The following ANXA5 variants were observed in gnomAD, a reference collection of about 807,000 sequenced individuals.
The protein encoded by ANXA5 is CBP-I.
In ANXA5, 40 loss-of-function variants were observed where a neutral mutation model predicts 48.1. The ratio of observed to expected loss-of-function variants is 0.83; its 90% confidence interval spans 0.65 to 1.08. The LOEUF is 1.08. Among genes scored for constraint, ANXA5 ranks in the 50% least tolerant of loss-of-function variants. The pLI is 0.00. For synonymous variants in ANXA5, 113 were observed against 129.1 expected (o/e 0.88, Z 0.85); for missense variants, 357 against 376.8 (o/e 0.95, Z 0.44).
Position 121,681,287 on chromosome 4 carries a change from A to C in ANXA5, c.394+384T>G, listed in dbSNP as rs143254948. 878 of 156,314 alleles carry C rather than the reference A, an allele frequency of 5.6e-3. 14 individuals are homozygous for C. Among genetic ancestry groups the C allele is most frequent in the African/African-American group, 0.019 (788 of 41,718 alleles). The allele number at this position is 156,314 out of a possible 1,614,324, so 9.7% of individuals were successfully genotyped here. On this transcript the variant is annotated intron_variant, in intron 6 of 12. Transcript: ENST00000296511. Reference sequence around the variant, plus strand: ...GGAAAGGGTTTAGGTTTCTCTTCCAAAGTTCCAAAAGTACTTTTTATATAA... The same window carrying C: ...GGAAAGGGTTTAGGTTTCTCTTCCACAGTTCCAAAAGTACTTTTTATATAA...
At position 121,686,300 on chromosome 4, in the gene ANXA5, T is replaced by C. The variant is rs762891398; in HGVS notation, c.82A>G (p.Met28Val). 7 of 1,613,884 alleles carry C rather than the reference T, an allele frequency of 4.3e-6. No individual in the cohort carries two copies. Among genetic ancestry groups the C allele is most frequent in the South Asian group, 2.2e-5 (2 of 91,054 alleles). Residue 28 changes from methionine to valine, a missense_variant, in exon 3 of 13, where the codon ATG becomes GTG. By Grantham distance (21) the Met-to-Val change is conservative (BLOSUM62 1). Transcript: ENST00000296511. Reference sequence around the variant, plus strand: ...AAGCTAAATTTACCCAAGCCTTTCATAGCCTTCCGAAGAGTTTCTGCATCA... The same window carrying C: ...AAGCTAAATTTACCCAAGCCTTTCACAGCCTTCCGAAGAGTTTCTGCATCA... ...RADAETLRKA[M>V]KGLGTDEESI...
intron 3 of ANXA5, among the ~76,000 whole-genome samples, chr4:121,685,100 A>T (rs1298343499): frequency 6.6e-6 from 1 of 151,496 alleles, no homozygotes; most frequent in African/African-American, 2.4e-5. Flanking sequence ...ACGCAAATAC[A>T]CACATATATA....
chr4:121,669,444 C>T (rs1724574827), intron 12 of ANXA5, 158 bp downstream of exon 12: 1 of 902,184 alleles, frequency 1.1e-6, no homozygotes, highest in East Asian at 2.5e-5. Context: ...ATCTCTACTT[C>T]AGGAAACATT....
At chr4:121,669,391 G>A in intron 12 of ANXA5, 1 of 581,788 alleles carries the variant, frequency 1.7e-6, no homozygotes, top group Non-Finnish European at 3.0e-6. Flanking sequence ...TTCACCAAGA[G>A]CCTCAGCCAC....
chr4:121,672,409 G>A lies in ANXA5; in HGVS notation c.625+124C>T, dbSNP rs2110479653. The A allele has an allele frequency of 3.1e-5, 20 of 653,650 alleles. No individual in the cohort carries two copies. The South Asian group carries it at 4.1e-4, about 13-fold the overall frequency. The allele number at this position is 653,650 out of a possible 1,614,324, so 40.5% of individuals were successfully genotyped here. ...TGAGATTTCTCCAGGTCACCAAAAG[G>A]AAGAAATACAAAAACTGATTCATTC... On this transcript the variant is annotated intron_variant, in intron 9 of 12. Transcript: ENST00000296511.
In ANXA5 at chr4:121,696,489, C is replaced by CTT. The variant is rs1725084373; in HGVS notation, c.9+90_9+91dup. 9.0e-6 allele frequency: 11 copies of CTT among 1,227,032 alleles called. No individual in the cohort carries two copies. The East Asian group carries it at 3.2e-4, about 36-fold the overall frequency. The allele number at this position is 1,227,032 out of a possible 1,614,324, so 76.0% of individuals were successfully genotyped here. ...AAAGCAGGTTCCCTTTCCTCCTAAACTTTTTGGCTCTCAGACAAATCCTAA... is the reference window on the plus strand; with the variant it reads ...AAAGCAGGTTCCCTTTCCTCCTAAACTTTTTTTGGCTCTCAGACAAATCCTAA... On this transcript the variant is annotated intron_variant, in intron 2 of 12. Transcript: ENST00000296511.
intron 12 of ANXA5, among the ~76,000 whole-genome samples, chr4:121,668,853 T>G (rs1357336422): frequency 6.6e-6 from 1 of 151,772 alleles, no homozygotes; most frequent in Admixed American, 6.6e-5. Context: ...TGGCTCTCCC[T>G]CCGAGACAGA....
intron 2 of ANXA5, among the ~76,000 whole-genome samples, chr4:121,692,146 A>T (rs1007260506): frequency 6.6e-6 from 1 of 152,090 alleles, no homozygotes; most frequent in African/African-American, 2.4e-5. Flanking sequence ...CCATTTGTCT[A>T]TCCATCCTAC....
intron 4 of ANXA5, 56 bp downstream of exon 4, chr4:121,684,621 G>T: frequency 7.0e-7 from 1 of 1,428,462 alleles, no homozygotes; most frequent in Non-Finnish European, 9.8e-7. Context: ...TTCCAAACTA[G>T]TCTTATAACT....
intron 2 of ANXA5, among the ~76,000 whole-genome samples, chr4:121,694,024 AG>A (rs1334440791): frequency 1.4e-5 from 2 of 147,794 alleles, no homozygotes; most frequent in African/African-American, 5.0e-5. Flanking sequence ...TATACCATAG[AG>A]ATAATTCTGA....
At chr4:121,675,504 C>T (rs1724682719) in intron 8 of ANXA5, among the ~76,000 whole-genome samples, 1 of 152,170 alleles carries the variant, frequency 6.6e-6, no homozygotes, top group Admixed American at 6.5e-5. Flanking sequence ...AATAATAATA[C>T]ATTTGAAAGA....
intron 2 of ANXA5, among the ~76,000 whole-genome samples, chr4:121,694,896 G>T (rs762644906): frequency 2.6e-5 from 4 of 152,024 alleles, no homozygotes; most frequent in Non-Finnish European, 5.9e-5. Flanking sequence ...CATTCTCCTA[G>T]GTTTTCTATA....
chr4:121,688,581 A>C (rs1724931652), intron 2 of ANXA5, among the ~76,000 whole-genome samples: 1 of 152,108 alleles, frequency 6.6e-6, no homozygotes, highest in Non-Finnish European at 1.5e-5. Context: ...CTTTTTCTTC[A>C]ACTGTAGTCC....
chr4:121,669,161 A>G (rs1016463648), intron 12 of ANXA5, among the ~76,000 whole-genome samples: 5 of 152,028 alleles, frequency 3.3e-5, no homozygotes, highest in African/African-American at 7.2e-5. Context: ...GGGGCTCTTT[A>G]CTCCCAATAT....
At chr4:121,674,394 A>G (rs577880014) in intron 8 of ANXA5, among the ~76,000 whole-genome samples, 31 of 152,222 alleles carry the variant, frequency 2.0e-4, no homozygotes, top group Middle Eastern at 3.4e-3. Context: ...TTTAATATCA[A>G]TTTCCTGAGG....
intron 2 of ANXA5, among the ~76,000 whole-genome samples, chr4:121,692,053 G>A (rs1168048618): frequency 1.3e-5 from 2 of 152,114 alleles, no homozygotes; most frequent in African/African-American, 4.8e-5. Flanking sequence ...AGTTCAAAGC[G>A]TTAAACTCGA....
At chr4:121,669,475 T>C (rs1578438541) in intron 12 of ANXA5, 127 bp downstream of exon 12, 1 of 1,151,298 alleles carries the variant, frequency 8.7e-7, no homozygotes, top group African/African-American at 1.5e-5. Context: ...TTTTAACTCA[T>C]TGCTCTAATC....
rs1431231903 is a variant in ANXA5 at position 121,683,414 on chromosome 4, T to C, written c.253A>G (p.Met85Val). Residue 85 changes from methionine to valine, a missense_variant, in exon 5 of 13, where the codon ATG (methionine) becomes GTG (valine). By Grantham distance (21) the Met-to-Val change is conservative (BLOSUM62 1). Transcript: ENST00000296511. ...GCATCATAAAGCCGAGAGGGTTTCATCAGAGCCACAATTAATTTTTCAAAT... is the reference window on the plus strand; with the variant it reads ...GCATCATAAAGCCGAGAGGGTTTCACCAGAGCCACAATTAATTTTTCAAAT... ...GKFEKLIVALMKPSRLYDAYE... is the reference protein window; with the variant it reads ...GKFEKLIVALVKPSRLYDAYE... The C allele has an allele frequency of 2.5e-6, 4 of 1,611,380 alleles. No individual in the cohort carries two copies. Among genetic ancestry groups the C allele is most frequent in the South Asian group, 2.2e-5 (2 of 90,754 alleles).
intron 5 of ANXA5, among the ~76,000 whole-genome samples, chr4:121,682,296 T>C (rs1215490685): frequency 1.3e-5 from 2 of 152,118 alleles, no homozygotes; most frequent in Non-Finnish European, 2.9e-5. Context: ...ATTAGAACAG[T>C]ATAAAGGAAT....
Sources: allele counts gnomAD v4.1 joint callset (sites outside exome capture counted in the v4.1 genomes callset), GRCh38; gene constraint gnomAD v4.1.1; transcripts MANE v1.5; gene names NCBI Gene and HGNC (gene_info 2026-07-23, HGNC 2026-07-21).